Variants in ABR observed in about 807,000 individuals in gnomAD.
ABR encodes the protein ABR activator of RhoGEF and GTPase, also known as active breakpoint cluster region-related protein.
Under a neutral mutation model 107.2 loss-of-function variants are expected in ABR, and 35 were observed. The observed-to-expected ratio is 0.33, with a 90% CI of 0.25 to 0.43. The LOEUF (loss-of-function observed/expected upper bound fraction) is 0.43. Ranked by LOEUF, ABR falls within the 20% of genes least tolerant of loss-of-function variation. The pLI is 1.00. For missense variants in ABR, 815 were observed against 1,115.2 expected, an observed-to-expected ratio of 0.73 and a Z score of 3.83; for synonymous variants, 498 against 462.0, an observed-to-expected ratio of 1.08 and a Z score of -1.00.
chr17:1,107,281 G>A (rs1320052398), intron 2 of ABR, among the ~76,000 whole-genome samples: 1 of 152,236 alleles, frequency 6.6e-6, no homozygotes, highest in Admixed American at 6.5e-5. Flanking sequence ...ACACCTCTGA[G>A]ATGGAGCGAG....
At chr17:1,212,085 A>G (rs938803445) in intron 1 of ABR, among the ~76,000 whole-genome samples, 1 of 974 alleles carries the variant, frequency 1.0e-3, no homozygotes, top group African/African-American at 1.1e-3. Flanking sequence ...CCCATCTCGA[A>G]AAAAAAAAAA....
intron 16 of ABR, among the ~76,000 whole-genome samples, chr17:1,044,911 C>T (rs1234878124): frequency 6.6e-6 from 1 of 152,176 alleles, no homozygotes; most frequent in Non-Finnish European, 1.5e-5. Context: ...GCGCTGGCCG[C>T]TCTATACCAA....
intron 1 of ABR, among the ~76,000 whole-genome samples, chr17:1,193,654 A>G (rs2042485259): frequency 6.6e-6 from 1 of 152,128 alleles, no homozygotes; most frequent in Non-Finnish European, 1.5e-5. Flanking sequence ...ACTGACGCTA[A>G]TTCAAGCACA....
intron 3 of ABR, among the ~76,000 whole-genome samples, chr17:1,099,275 A>G (rs1567753583): frequency 6.6e-6 from 1 of 151,992 alleles, no homozygotes; most frequent in Non-Finnish European, 1.5e-5. Context: ...AGGTTTCACC[A>G]CATTGGCCAG....
At chr17:1,097,302 C>A (rs1267781930) in intron 3 of ABR, among the ~76,000 whole-genome samples, 1 of 152,098 alleles carries the variant, frequency 6.6e-6, no homozygotes, top group East Asian at 1.9e-4. Context: ...GTTCTAAGAG[C>A]TTTATGTGCC....
At chr17:1,083,754 G>A (rs1280140831) in intron 4 of ABR, 127 bp from the exon 5 acceptor site, 5 of 756,262 alleles carry the variant, frequency 6.6e-6, no homozygotes, top group Non-Finnish European at 9.3e-6. Flanking sequence ...AGCTCGTTGG[G>A]AACTTGGGGA....
At chr17:1,165,519 G>A (rs1435449701) in intron 1 of ABR, among the ~76,000 whole-genome samples, 1 of 152,206 alleles carries the variant, frequency 6.6e-6, no homozygotes, top group East Asian at 1.9e-4. Context: ...CCACAGCCCA[G>A]AGTGAAAACT....
In ABR at chr17:1,050,291, G is replaced by C. The variant is rs1398947651; in HGVS notation, c.1660-110C>G. 1 of 1,382,454 alleles carries C rather than the reference G, an allele frequency of 7.2e-7. No individual in the cohort carries two copies. Among genetic ancestry groups the C allele is most frequent in the African/African-American group, 1.4e-5 (1 of 69,924 alleles). 85.6% of individuals were successfully genotyped at this position (1,382,454 alleles called of 1,614,324 possible). On this transcript the variant is annotated intron_variant, in intron 15 of 22. Coordinates refer to ENST00000302538, the MANE Select transcript of ABR (RefSeq NM_021962.5). The surrounding 1 kb of genome is among the most constrained non-coding windows in gnomAD (Gnocchi z 4.6). ...GGAGGAGGGAGTAAGCACGGCCCAC[G>C]AAGGACACGTCAGATTTTCTGGAGC...
chr17:1,004,905 G>T lies in ABR; in HGVS notation c.*1175C>A. ...GGCAGTGCTTGGCTGTGGAGTGTGT[G>T]TAAAATCTAAGGCAAGAGTACCACG... is the stretch of plus-strand genomic sequence containing the variant. On this transcript the variant is annotated 3_prime_UTR_variant, in exon 23 of 23. Coordinates refer to ENST00000302538, the MANE Select transcript of ABR (RefSeq NM_021962.5). The T allele has an allele frequency of 2.5e-6, 1 of 397,738 alleles. No homozygotes were observed. 24.6% of individuals were successfully genotyped at this position (397,738 alleles called of 1,614,324 possible).
chr17:1,193,576 C>T (rs1057229721), intron 1 of ABR, among the ~76,000 whole-genome samples: 2 of 149,222 alleles, frequency 1.3e-5, no homozygotes, highest in African/African-American at 2.4e-5. Context: ...GGAAAGCATC[C>T]TGACCAGATG....
At chr17:1,046,105 A>T (rs576515770) in intron 16 of ABR, among the ~76,000 whole-genome samples, 12 of 150,696 alleles carry the variant, frequency 8.0e-5, no homozygotes, top group Non-Finnish European at 1.6e-4. Flanking sequence ...TCCTGACCTC[A>T]GGTGATCCCC....
chr17:1,025,712 C>A (rs2072141373), intron 16 of ABR, among the ~76,000 whole-genome samples: 1 of 152,182 alleles, frequency 6.6e-6, no homozygotes, highest in African/African-American at 2.4e-5. Context: ...AGCCAGGCAT[C>A]CCCCCGTCAC....
At chr17:1,124,085 C>G (rs963909707) in intron 2 of ABR, among the ~76,000 whole-genome samples, 5 of 152,150 alleles carry the variant, frequency 3.3e-5, no homozygotes, top group Admixed American at 6.5e-5. Context: ...GTGGGAAGCC[C>G]GTTGCCAAGG....
upstream of ABR, chr17:1,182,283 C>T (rs2042158890): frequency 6.6e-6 from 1 of 152,174 alleles, no homozygotes; most frequent in African/African-American, 2.4e-5. Context: ...AAACCGAGGC[C>T]CTGAGCAGCT....
intron 10 of ABR, among the ~76,000 whole-genome samples, chr17:1,063,346 T>C (rs1183985984): frequency 1.6e-5 from 2 of 126,488 alleles, no homozygotes; most frequent in African/African-American, 5.8e-5. Context: ...CTAGACACTG[T>C]TGTTACGTGA....
intron 1 of ABR, among the ~76,000 whole-genome samples, chr17:1,141,016 G>T (rs971600933): frequency 7.2e-5 from 11 of 152,158 alleles, no homozygotes; most frequent in African/African-American, 2.7e-4. Context: ...CAGGGTGGTT[G>T]TGAAAATGAC....
At chr17:1,222,510 C>A (rs1199094815) in intron 1 of ABR, among the ~76,000 whole-genome samples, 1 of 152,180 alleles carries the variant, frequency 6.6e-6, no homozygotes, top group African/African-American at 2.4e-5. Flanking sequence ...GCAACAATCT[C>A]ATTAGTCACT....
chr17:1,123,088 G>C (rs181052646), intron 2 of ABR, among the ~76,000 whole-genome samples: 1 of 152,122 alleles, frequency 6.6e-6, no homozygotes, highest in Non-Finnish European at 1.5e-5. Flanking sequence ...AGGAAGAGGC[G>C]TCAGCTCCCT....
In ABR at chr17:1,056,940, G is replaced by C. The variant is rs537824642; in HGVS notation, c.1486+58C>G. The C allele has an allele frequency of 5.6e-6, 7 of 1,241,332 alleles. No homozygotes were observed. The African/African-American group carries it at 5.9e-5, about 11-fold the overall frequency. The allele number at this position is 1,241,332 out of a possible 1,614,324, so 76.9% of individuals were successfully genotyped here. A position where few individuals can be genotyped will look rare whatever the true frequency, so the allele number is the denominator to read the frequency against. Reference sequence around the variant, plus strand: ...TCTGTCTGAGTCCTTACGGGAAGCCGGCCACGCTCTGAGGGCTGGGACCTG... The same window carrying C: ...TCTGTCTGAGTCCTTACGGGAAGCCCGCCACGCTCTGAGGGCTGGGACCTG... On this transcript the variant is annotated intron_variant, in intron 13 of 22. Transcript: ENST00000302538.
Sources: gnomAD v4.1 joint callset for allele counts (sites outside exome capture counted in the v4.1 genomes callset) on GRCh38, gnomAD v4.1.1 for gene constraint, Gnocchi (gnomAD v3.1) non-coding constraint, MANE v1.5 for transcripts, NCBI Gene and HGNC (gene_info 2026-07-23, HGNC 2026-07-21) for gene names.